SHISA6: variants seen among roughly 807,000 people sequenced by gnomAD.
SHISA6 encodes shisa family member 6, also known as protein shisa-6.
SHISA6 carries 22 observed loss-of-function variants against 47.9 expected under a neutral mutation model. The observed-to-expected ratio is 0.46, with a 90% CI of 0.33 to 0.66. The LOEUF (loss-of-function observed/expected upper bound fraction) is 0.66. SHISA6 is among the 30% of genes least tolerant of loss of function. SHISA6 has a pLI of 0.02. For missense variants in SHISA6, 680 were observed against 764.6 expected, an observed-to-expected ratio of 0.89 and a Z score of 1.30; for synonymous variants, 388 against 337.8, an observed-to-expected ratio of 1.15 and a Z score of -1.63.
intron 1 of SHISA6, among the ~76,000 whole-genome samples, chr17:11,258,084 C>T (rs1174277006): frequency 1.3e-5 from 2 of 152,110 alleles, no homozygotes; most frequent in East Asian, 3.9e-4. Context: ...TCTCATTAGT[C>T]CTTAGAAATA....
At chr17:11,317,104 A>G (rs1597454938) in intron 2 of SHISA6, among the ~76,000 whole-genome samples, 1 of 152,184 alleles carries the variant, frequency 6.6e-6, no homozygotes, top group Non-Finnish European at 1.5e-5. Flanking sequence ...GAAAATACAT[A>G]TTTTATGTTT....
At chr17:11,287,691 A>AAGGAAGGAAG (rs1567561420) in intron 2 of SHISA6, among the ~76,000 whole-genome samples, 603 of 2,442 alleles carry the variant, frequency 0.25, 6 homozygotes, top group African/African-American at 0.43. Flanking sequence ...AGAGAGAGAG[A>AAGGAAGGAAG]GAAAGGGGAA....
chr17:11,470,514 G>C (rs996960413), intron 3 of SHISA6, among the ~76,000 whole-genome samples: 2 of 152,214 alleles, frequency 1.3e-5, no homozygotes, highest in African/African-American at 4.8e-5. Flanking sequence ...AACTCCATCA[G>C]TTTTGATTCT....
chr17:11,437,808 G>A (rs1025461297), intron 3 of SHISA6, among the ~76,000 whole-genome samples: 1 of 152,156 alleles, frequency 6.6e-6, no homozygotes, highest in Non-Finnish European at 1.5e-5. Flanking sequence ...CAGATGTAGT[G>A]GTGGTTTTGG....
chr17:11,479,815 T>C (rs967649438), intron 3 of SHISA6, among the ~76,000 whole-genome samples: 4 of 151,890 alleles, frequency 2.6e-5, no homozygotes, highest in Non-Finnish European at 4.4e-5. Context: ...ACTATTACCT[T>C]TTAGCTGAAG....
chr17:11,242,221 T>G (rs1468933412), intron 1 of SHISA6, among the ~76,000 whole-genome samples, 161 bp downstream of exon 1: 3 of 152,218 alleles, frequency 2.0e-5, no homozygotes, highest in Non-Finnish European at 2.9e-5. Flanking sequence ...GGTCTTCTTG[T>G]GCCCCCTCCT....
Position 11,409,725 on chromosome 17 carries a change from A to T in SHISA6, c.895+30216A>T, listed in dbSNP as rs572382548. 2.0e-5 allele frequency among the ~76,000 whole-genome samples: 3 copies of T among 150,004 alleles called. No individual in the cohort carries two copies. In the South Asian group the frequency reaches 6.3e-4, roughly 32 times the overall value. ...TCTCAAAAAAAAAAAAAAAAAAAGG[A>T]AAAGAAAATGACAGTGTCATGTCTG... On this transcript the variant is annotated intron_variant, in intron 3 of 5. Coordinates refer to ENST00000441885, the MANE Select transcript of SHISA6 (RefSeq NM_207386.4).
At chr17:11,477,516 C>G (rs1164638720) in intron 3 of SHISA6, among the ~76,000 whole-genome samples, 1 of 151,364 alleles carries the variant, frequency 6.6e-6, no homozygotes, top group African/African-American at 2.4e-5. Context: ...TGTGCTGCAC[C>G]CACTAACTCG....
chr17:11,525,538 C>G (rs1349432764), intron 3 of SHISA6, among the ~76,000 whole-genome samples: 1 of 143,472 alleles, frequency 7.0e-6, no homozygotes, highest in Non-Finnish European at 1.5e-5. Flanking sequence ...GAGGCGGAGG[C>G]AGGAGAATCG....
chr17:11,428,930 A>G (rs886142610), intron 3 of SHISA6, among the ~76,000 whole-genome samples: 1 of 151,718 alleles, frequency 6.6e-6, no homozygotes, highest in Non-Finnish European at 1.5e-5. Context: ...GACTACAGGC[A>G]CCCACTACCA....
chr17:11,300,126 C>T (rs1233657381), intron 2 of SHISA6, among the ~76,000 whole-genome samples: 2 of 125,850 alleles, frequency 1.6e-5, no homozygotes, highest in African/African-American at 6.0e-5. Flanking sequence ...GCTTGTGCGA[C>T]AGAGCAAGAC....
At chr17:11,282,044 A>G (rs1391143598) in intron 2 of SHISA6, among the ~76,000 whole-genome samples, 1 of 152,198 alleles carries the variant, frequency 6.6e-6, no homozygotes, top group Non-Finnish European at 1.5e-5. Context: ...AGAAAATCCA[A>G]AGGGATCTAT....
intron 3 of SHISA6, among the ~76,000 whole-genome samples, chr17:11,412,324 C>T (rs1914145134): frequency 6.6e-6 from 1 of 152,030 alleles, no homozygotes; most frequent in Non-Finnish European, 1.5e-5. Context: ...TAGCAAATAA[C>T]TATTATTATT....
chr17:11,360,484 C>T (rs548142078), intron 2 of SHISA6, among the ~76,000 whole-genome samples: 16 of 151,582 alleles, frequency 1.1e-4, no homozygotes, highest in African/African-American at 3.4e-4. Context: ...TGCTTGAACC[C>T]GGGAAGTGGA....
At chr17:11,383,596 T>C (rs145703488) in intron 3 of SHISA6, among the ~76,000 whole-genome samples, 133 of 152,278 alleles carry the variant, frequency 8.7e-4, no homozygotes, top group Middle Eastern at 3.4e-3. Context: ...TACATAGCAC[T>C]ACCTTAGGCT....
chr17:11,484,072 A>G (rs944196077), intron 3 of SHISA6, among the ~76,000 whole-genome samples: 9 of 152,222 alleles, frequency 5.9e-5, no homozygotes, highest in African/African-American at 2.2e-4. Context: ...AAAATTAACC[A>G]TATATTAGGC....
intron 3 of SHISA6, among the ~76,000 whole-genome samples, chr17:11,408,402 A>G (rs902181246): frequency 1.3e-4 from 20 of 152,164 alleles, no homozygotes; most frequent in African/African-American, 4.1e-4. Flanking sequence ...TGGGATCAGC[A>G]GTGTGTGTTT....
At chr17:11,350,922 G>A (rs529002108) in intron 2 of SHISA6, among the ~76,000 whole-genome samples, 91 of 152,250 alleles carry the variant, frequency 6.0e-4, no homozygotes, top group Non-Finnish European at 1.1e-3. Context: ...ACTGGATAAA[G>A]AAAATGTGGC....
At chr17:11,496,247 C>G (rs2071407906) in intron 3 of SHISA6, among the ~76,000 whole-genome samples, 3 of 152,186 alleles carry the variant, frequency 2.0e-5, no homozygotes. Context: ...TGGTTTTCCT[C>G]CAACCAATTT....
Sources: gnomAD v4.1 joint callset for allele counts (sites outside exome capture counted in the v4.1 genomes callset) on GRCh38, gnomAD v4.1.1 for gene constraint, MANE v1.5 for transcripts, NCBI Gene and HGNC (gene_info 2026-07-23, HGNC 2026-07-21) for gene names.